The following POPDC1 variants were observed in gnomAD, a reference collection of about 807,000 sequenced individuals.
The protein encoded by POPDC1 is popeye domain cAMP effector 1.
the POPDC1 span, among the ~76,000 whole-genome samples, chr6:105,135,007 T>G: frequency 2.0e-5 from 3 of 152,198 alleles, no homozygotes; most frequent in Non-Finnish European, 4.4e-5. Flanking sequence ...TCGTAACTTC[T>G]GCAGGACAGA....
chr6:105,118,007 A>G, the POPDC1 span, among the ~76,000 whole-genome samples: 1 of 152,100 alleles, frequency 6.6e-6, no homozygotes, highest in Non-Finnish European at 1.5e-5. Flanking sequence ...TGATCACACC[A>G]CTACACTCGA....
the POPDC1 span, among the ~76,000 whole-genome samples, chr6:105,109,758 T>G: frequency 2.2e-4 from 1 of 4,556 alleles, no homozygotes; most frequent in Non-Finnish European, 2.0e-3. Context: ...AGTGAGACCC[T>G]TTCTCAAAAA....
the POPDC1 span, among the ~76,000 whole-genome samples, chr6:105,118,723 G>C: frequency 4.8e-4 from 73 of 152,288 alleles, no homozygotes; most frequent in African/African-American, 1.7e-3. Flanking sequence ...CTTTGTATAT[G>C]TACTTTTAAA....
chr6:105,126,441 A>AG, the POPDC1 span, among the ~76,000 whole-genome samples: 1 of 151,878 alleles, frequency 6.6e-6, no homozygotes, highest in East Asian at 1.9e-4. Context: ...AAAAAAAAAA[A>AG]AATCAAAAAA....
At chr6:105,108,904 C>T in the POPDC1 span, among the ~76,000 whole-genome samples, 7 of 152,206 alleles carry the variant, frequency 4.6e-5, no homozygotes, top group Admixed American at 4.6e-4. Context: ...AGACCCACAA[C>T]AGTTTGAAGG....
the POPDC1 span, among the ~76,000 whole-genome samples, chr6:105,125,903 A>ATT: frequency 6.6e-6 from 1 of 151,940 alleles, no homozygotes. Flanking sequence ...TCTCTAATTA[A>ATT]AAAGAAAAAG....
At chr6:105,118,248 CAG>C in the POPDC1 span, among the ~76,000 whole-genome samples, 1 of 152,268 alleles carries the variant, frequency 6.6e-6, no homozygotes, top group East Asian at 1.9e-4. Flanking sequence ...TCTACCAAGA[CAG>C]AAAATGAAAA....
the POPDC1 span, among the ~76,000 whole-genome samples, chr6:105,118,526 T>C: frequency 6.6e-6 from 1 of 152,226 alleles, no homozygotes; most frequent in African/African-American, 2.4e-5. Flanking sequence ...CTTCAAGGTA[T>C]GAAGTTACAA....
chr6:105,125,315 C>T, the POPDC1 span: 1 of 1,499,182 alleles, frequency 6.7e-7, no homozygotes, highest in Non-Finnish European at 9.2e-7. Context: ...AACATTTCCT[C>T]CCATTCACTT....
At chr6:105,112,338 G>A in the POPDC1 span, among the ~76,000 whole-genome samples, 2 of 152,152 alleles carry the variant, frequency 1.3e-5, no homozygotes, top group Non-Finnish European at 1.5e-5. Flanking sequence ...ATCGTGATTC[G>A]AAAAATAATT....
At chr6:105,127,431 G>A in the POPDC1 span, among the ~76,000 whole-genome samples, 2 of 151,910 alleles carry the variant, frequency 1.3e-5, no homozygotes, top group Admixed American at 6.6e-5. Flanking sequence ...TGCTCATCCC[G>A]TAACTCTCAG....
chr6:105,126,640 A>C, the POPDC1 span, among the ~76,000 whole-genome samples: 3 of 152,204 alleles, frequency 2.0e-5, no homozygotes, highest in Admixed American at 1.3e-4. Context: ...CACACACACA[A>C]AAAATTTACT....
chr6:105,100,920 G>C, the POPDC1 span: 2 of 602,164 alleles, frequency 3.3e-6, no homozygotes, highest in Non-Finnish European at 5.2e-6. Context: ...AATAAAAAGG[G>C]TAAGTGAAAG....
chr6:105,136,261 C>G, the POPDC1 span: 6 of 152,270 alleles, frequency 3.9e-5, no homozygotes, highest in South Asian at 2.1e-4. Context: ...TGGGACTTGT[C>G]TGGCCAACAA....
the POPDC1 span, chr6:105,133,575 C>T: frequency 6.4e-7 from 1 of 1,569,850 alleles, no homozygotes; most frequent in Non-Finnish European, 8.6e-7. Flanking sequence ...CTGTATAATT[C>T]ATTTTGAAAA....
the POPDC1 span, chr6:105,101,213 T>C: frequency 8.1e-6 from 13 of 1,607,858 alleles, no homozygotes; most frequent in Non-Finnish European, 1.0e-5. Flanking sequence ...GGATGACACA[T>C]CTGTGGAAAG....
chr6:105,115,643 C>T, the POPDC1 span: 1 of 1,601,656 alleles, frequency 6.2e-7, no homozygotes, highest in Non-Finnish European at 8.5e-7. Flanking sequence ...TCCAGAGATA[C>T]CCATCAGAAC....
At chr6:105,111,200 G>A in the POPDC1 span, among the ~76,000 whole-genome samples, 1 of 152,130 alleles carries the variant, frequency 6.6e-6, no homozygotes, top group Non-Finnish European at 1.5e-5. Flanking sequence ...AAATCCAAAT[G>A]ATAGGTTATT....
the POPDC1 span, chr6:105,129,391 G>C: frequency 1.2e-6 from 2 of 1,609,340 alleles, no homozygotes; most frequent in Admixed American, 1.7e-5. Flanking sequence ...GTCTCTTCTT[G>C]TATAAAAGAT....
Sources: allele counts gnomAD v4.1 joint callset (sites outside exome capture counted in the v4.1 genomes callset), GRCh38; gene constraint gnomAD v4.1.1; transcripts MANE v1.5; gene names NCBI Gene and HGNC (gene_info 2026-07-23, HGNC 2026-07-21).